HSF5: variants seen among roughly 807,000 people sequenced by gnomAD.
HSF5 encodes the protein heat shock factor protein 5.
A neutral mutation model predicts 50.8 loss-of-function variants in HSF5; 5 were observed. The observed-to-expected ratio is 0.10, with a 90% CI of 0.05 to 0.21. The LOEUF (loss-of-function observed/expected upper bound fraction) is 0.21. Ranked by LOEUF, HSF5 falls within the 10% of genes least tolerant of loss-of-function variation. The probability of loss-of-function intolerance (pLI) is 1.00; values close to 1 mark genes in which losing one functional copy is unlikely to be tolerated. For missense variants in HSF5, 564 were observed against 762.6 expected, an observed-to-expected ratio of 0.74 and a Z score of 3.07; for synonymous variants, 307 against 307.4, an observed-to-expected ratio of 1.00 and a Z score of 0.02.
At chr17:58,429,337 T>C (rs1043177173) in intron 5 of HSF5, among the ~76,000 whole-genome samples, 1 of 152,178 alleles carries the variant, frequency 6.6e-6, no homozygotes, top group Admixed American at 6.5e-5. Flanking sequence ...GGAGGTTGTA[T>C]ATCATTATGA....
intron 2 of HSF5, among the ~76,000 whole-genome samples, chr17:58,477,218 C>T (rs1326718511): frequency 6.7e-6 from 1 of 149,032 alleles, no homozygotes; most frequent in Non-Finnish European, 1.5e-5. Flanking sequence ...CTCCCAGATT[C>T]AAGTGATTCT....
intron 2 of HSF5, among the ~76,000 whole-genome samples, chr17:58,474,660 ACATTTGTAGTGGTT>A (rs1974987093): frequency 6.6e-6 from 1 of 152,234 alleles, no homozygotes; most frequent in Non-Finnish European, 1.5e-5. Flanking sequence ...ATTAACTATA[ACATTTGTAGTGGTT>A]TTAGTGAATA....
chr17:58,448,673 C>G (rs1247637018), intron 5 of HSF5, among the ~76,000 whole-genome samples: 2 of 152,096 alleles, frequency 1.3e-5, no homozygotes, highest in African/African-American at 4.8e-5. Context: ...TAAAGATTTT[C>G]CCAAACAAAA....
chr17:58,488,364 T>C lies in HSF5; in HGVS notation c.-90A>G, dbSNP rs1274174439. 7.5e-7 allele frequency: 1 copy of C among 1,339,532 alleles called. No individual in the cohort carries two copies. Among genetic ancestry groups the C allele is most frequent in the African/African-American group, 1.5e-5 (1 of 64,746 alleles). 83.0% of individuals were successfully genotyped at this position (1,339,532 alleles called of 1,614,324 possible). On this transcript the variant is annotated 5_prime_UTR_variant, in exon 1 of 6. Transcript: ENST00000323777. The surrounding 1 kb of genome is among the most constrained non-coding windows in gnomAD (Gnocchi z 4.1). ...CCGGCCTTCGCCTCGCCCTGCCCGC[T>C]CCTGCCGGCGCCCATCCGCCGCGTA...
rs200351260 is a variant in HSF5 at position 58,462,836 on chromosome 17, T to G, written c.1488A>C (p.Pro496=). The change falls in exon 4 of 6, where the codon CCA becomes CCC. Residue 496 remains proline, a synonymous_variant. Coordinates refer to ENST00000323777, the MANE Select transcript of HSF5 (RefSeq NM_001080439.3). ...VKLKEHLNHN[P]SPSSVVFVQE... ...GCACAAATACTACTGAAGATGGAGA[T>G]GGATTATGATTTAGGTGCTCCTTCA... is the stretch of plus-strand genomic sequence containing the variant. The G allele has an allele frequency of 6.2e-7, 1 of 1,613,738 alleles. No homozygotes were observed. The highest frequency in any genetic ancestry group is 8.5e-7 in the Non-Finnish European group (1 of 1,179,806).
chr17:58,456,164 TATACAC>T lies in HSF5; in HGVS notation c.1720+2598_1720+2603del, dbSNP rs1462614419. ...GTATATATATATATGTGTGTGTGTA[TATACAC>T]ACACACACACACACACACACACACG... On this transcript the variant is annotated intron_variant, in intron 5 of 5. Coordinates refer to ENST00000323777, the MANE Select transcript of HSF5 (RefSeq NM_001080439.3). Among the ~76,000 whole-genome samples, 136 of 130,584 alleles carry T rather than the reference TATACAC, an allele frequency of 1.0e-3. 1 individual carries two copies. Among genetic ancestry groups the T allele is most frequent in the African/African-American group, 3.5e-3 (124 of 35,176 alleles). 85.7% of individuals were successfully genotyped at this position (130,584 alleles called of 152,430 possible).
At chr17:58,446,644 G>A (rs35312391) in intron 5 of HSF5, among the ~76,000 whole-genome samples, 12,304 of 152,180 alleles carry the variant, frequency 0.081, 662 homozygotes, top group Middle Eastern at 0.2. Context: ...CTCAGGTCCT[G>A]AATAAATTTC....
chr17:58,442,265 T>C (rs2143748584), intron 5 of HSF5, among the ~76,000 whole-genome samples: 1 of 152,354 alleles, frequency 6.6e-6, no homozygotes, highest in South Asian at 2.1e-4. Flanking sequence ...TTTCCAAAAC[T>C]ACCCTAAAAT....
At chr17:58,463,940 T>C (rs1379728185) in intron 3 of HSF5, among the ~76,000 whole-genome samples, 4 of 152,242 alleles carry the variant, frequency 2.6e-5, no homozygotes, top group African/African-American at 4.8e-5. Flanking sequence ...ATTTAATACA[T>C]GTTTGGTGAT....
rs562942444 is a variant in HSF5 at position 58,475,999 on chromosome 17, C to T, written c.925+3894G>A. 4 of 336,914 alleles carry T rather than the reference C, an allele frequency of 1.2e-5. No individual in the cohort carries two copies. In the South Asian group the frequency reaches 1.3e-4, roughly 11 times the overall value. The allele number at this position is 336,914 out of a possible 1,614,324, so 20.9% of individuals were successfully genotyped here. ...GAATCATGGTGTAGAGAAAAGAGAC[C>T]TCAAGAACAGGGTGACTGAGCACAA... On this transcript the variant is annotated intron_variant, in intron 2 of 5. Transcript: ENST00000323777.
chr17:58,436,258 T>C (rs910797825), intron 5 of HSF5, among the ~76,000 whole-genome samples: 2 of 152,210 alleles, frequency 1.3e-5, no homozygotes, highest in African/African-American at 2.4e-5. Flanking sequence ...CATGTTTTCA[T>C]AGACCAACTG....
chr17:58,448,447 A>G (rs1974591365), intron 5 of HSF5, among the ~76,000 whole-genome samples: 1 of 152,178 alleles, frequency 6.6e-6, no homozygotes, highest in South Asian at 2.1e-4. Flanking sequence ...TCAAACTCTT[A>G]AAGATCAAGA....
At chr17:58,459,662 A>C (rs1365102719) in intron 4 of HSF5, among the ~76,000 whole-genome samples, 2 of 149,226 alleles carry the variant, frequency 1.3e-5, no homozygotes, top group African/African-American at 4.9e-5. Flanking sequence ...AAAAAAAAAA[A>C]GGTTTTTTTG....
At chr17:58,447,034 A>T (rs1031487933) in intron 5 of HSF5, among the ~76,000 whole-genome samples, 1 of 152,170 alleles carries the variant, frequency 6.6e-6, no homozygotes, top group Non-Finnish European at 1.5e-5. Flanking sequence ...CTGAGGCAGG[A>T]GAATCGCTTG....
intron 2 of HSF5, chr17:58,476,629 A>G: frequency 1.3e-6 from 2 of 1,549,720 alleles, no homozygotes; most frequent in South Asian, 2.2e-5. Flanking sequence ...AACTCTGGTC[A>G]AATAATGCAG....
intron 5 of HSF5, among the ~76,000 whole-genome samples, chr17:58,436,181 CA>C (rs1368959656): frequency 1.3e-5 from 2 of 152,034 alleles, no homozygotes; most frequent in Non-Finnish European, 2.9e-5. Context: ...TTTTAATGAG[CA>C]GTATATTAAT....
chr17:58,432,507 T>C (rs1974378071), intron 5 of HSF5, among the ~76,000 whole-genome samples: 2 of 152,012 alleles, frequency 1.3e-5, no homozygotes, highest in African/African-American at 4.8e-5. Flanking sequence ...GCAGAGACAA[T>C]AGCAAGTGTA....
At chr17:58,484,972 T>C (rs1003611346) in intron 1 of HSF5, among the ~76,000 whole-genome samples, 1 of 49,966 alleles carries the variant, frequency 2.0e-5, no homozygotes, top group Admixed American at 2.1e-4. Context: ...TTTTTTTTTT[T>C]GAGACAGCGT....
At chr17:58,442,011 G>T (rs1307086418) in intron 5 of HSF5, among the ~76,000 whole-genome samples, 1 of 152,218 alleles carries the variant, frequency 6.6e-6, no homozygotes, top group Non-Finnish European at 1.5e-5. Context: ...TAACAGAAAA[G>T]AATTTCATAA....
Sources: gnomAD v4.1 joint callset for allele counts (sites outside exome capture counted in the v4.1 genomes callset) on GRCh38, gnomAD v4.1.1 for gene constraint, Gnocchi (gnomAD v3.1) non-coding constraint, MANE v1.5 for transcripts, NCBI Gene and HGNC (gene_info 2026-07-23, HGNC 2026-07-21) for gene names.